Variants in COL23A1 observed in about 807,000 individuals in gnomAD.
COL23A1 encodes collagen alpha-1(XXIII) chain.
A neutral mutation model predicts 99.3 loss-of-function variants in COL23A1; 97 were observed. That is an observed-to-expected ratio of 0.98 (90% CI 0.83 to 1.16). COL23A1 has a LOEUF of 1.16. COL23A1 is among the 50% of genes most tolerant of loss of function. The pLI is 0.00. For synonymous variants in COL23A1, 320 were observed against 308.2 expected (o/e 1.04, Z -0.40); for missense variants, 762 against 757.4 (o/e 1.01, Z -0.07).
chr5:178,359,169 C>T (rs1238426190), intron 2 of COL23A1, among the ~76,000 whole-genome samples: 5 of 152,190 alleles, frequency 3.3e-5, no homozygotes, highest in African/African-American at 1.2e-4. Context: ...AGTCATTTAA[C>T]CTCTCTCAGC....
chr5:178,252,512 T>C (rs1436189606), intron 17 of COL23A1, 32 bp downstream of exon 17: 14 of 1,599,792 alleles, frequency 8.8e-6, no homozygotes, highest in South Asian at 3.4e-5. Context: ...AGACAAATGC[T>C]TGGGGGACCA....
At chr5:178,445,335 G>GT (rs1282155523) in intron 2 of COL23A1, among the ~76,000 whole-genome samples, 3 of 151,864 alleles carry the variant, frequency 2.0e-5, no homozygotes, top group Admixed American at 2.0e-4. Context: ...TCCTATACTG[G>GT]TAACATCTGT....
chr5:178,587,380 G>A (rs1436232341), intron 1 of COL23A1, among the ~76,000 whole-genome samples: 2 of 152,176 alleles, frequency 1.3e-5, no homozygotes, highest in Non-Finnish European at 2.9e-5. Context: ...GCCGGTCCCA[G>A]AAAAAGTTAT....
intron 25 of COL23A1, among the ~76,000 whole-genome samples, chr5:178,245,112 G>C (rs1764605288): frequency 7.9e-6 from 1 of 125,992 alleles, no homozygotes; most frequent in Non-Finnish European, 1.6e-5. Context: ...TCCCTCCACT[G>C]CCATCATCAT....
In COL23A1 at chr5:178,306,896, G is replaced by A; in HGVS notation, c.385C>T (p.Pro129Ser). 2 of 1,548,874 alleles carry A rather than the reference G, an allele frequency of 1.3e-6. No homozygotes were observed. Among genetic ancestry groups the A allele is most frequent in the South Asian group, 1.2e-5 (1 of 82,790 alleles). ...TCACCAGGGTCGCCTCTTCTCCCAG[G>A]CTTGCCGCGCCGTCCAGGGGGCCCT... Reference protein sequence around the residue: ...PPGPPGRRGKPGRRGDPGPPG... With the variant: ...PPGPPGRRGKSGRRGDPGPPG... Residue 129 changes from proline (P) to serine (S), a missense_variant, in exon 3 of 29, where the codon CCT (proline) becomes TCT (serine). Transcript: ENST00000390654. This position sits in a 1 kb window ranked among gnomAD's most constrained non-coding sequence, Gnocchi z 4.1.
chr5:178,580,395 C>T (rs773937742), intron 1 of COL23A1, among the ~76,000 whole-genome samples: 11 of 149,722 alleles, frequency 7.3e-5, no homozygotes, highest in Non-Finnish European at 1.2e-4. Context: ...ACACATGGGA[C>T]GCACACAGTT....
At chr5:178,416,213 T>C (rs1352419336) in intron 2 of COL23A1, among the ~76,000 whole-genome samples, 2 of 152,160 alleles carry the variant, frequency 1.3e-5, no homozygotes, top group Non-Finnish European at 2.9e-5. Flanking sequence ...GCTTACATAA[T>C]GTGTAAAACA....
chr5:178,507,890 A>G (rs1758968088), intron 2 of COL23A1, among the ~76,000 whole-genome samples: 1 of 152,188 alleles, frequency 6.6e-6, no homozygotes, highest in Non-Finnish European at 1.5e-5. Flanking sequence ...CATTTCAACT[A>G]TTATTTCTTC....
intron 2 of COL23A1, among the ~76,000 whole-genome samples, chr5:178,486,621 G>A (rs954128974): frequency 6.6e-6 from 1 of 152,170 alleles, no homozygotes; most frequent in Admixed American, 6.5e-5. Context: ...TGAAAGCAGA[G>A]GTGACTCTTG....
intron 2 of COL23A1, among the ~76,000 whole-genome samples, chr5:178,539,691 C>A (rs1166260231): frequency 6.6e-6 from 1 of 151,990 alleles, no homozygotes; most frequent in African/African-American, 2.4e-5. Flanking sequence ...GTGAATTCTT[C>A]CAAACACTTC....
At chr5:178,290,225 C>T in intron 4 of COL23A1, 137 bp downstream of exon 4, 2 of 1,250,000 alleles carry the variant, frequency 1.6e-6, no homozygotes, top group Non-Finnish European at 2.3e-6. Flanking sequence ...AGCCACCGCA[C>T]CTGGCCACTT....
chr5:178,482,990 T>A (rs1757422889), intron 2 of COL23A1, among the ~76,000 whole-genome samples: 1 of 152,118 alleles, frequency 6.6e-6, no homozygotes, highest in Non-Finnish European at 1.5e-5. Flanking sequence ...GAGGATTGCT[T>A]GAGCCCAAGA....
intron 2 of COL23A1, among the ~76,000 whole-genome samples, chr5:178,405,840 T>C (rs1250411034): frequency 6.6e-6 from 1 of 152,228 alleles, no homozygotes; most frequent in Admixed American, 6.5e-5. Flanking sequence ...CAGTGGCTCA[T>C]GCCTGTAATC....
intron 5 of COL23A1, among the ~76,000 whole-genome samples, chr5:178,276,655 A>G (rs1756600735): frequency 1.3e-5 from 2 of 152,182 alleles, no homozygotes; most frequent in African/African-American, 4.8e-5. Context: ...CTGATTTCTC[A>G]GCCTAGGCTC....
intron 2 of COL23A1, among the ~76,000 whole-genome samples, chr5:178,376,928 T>A (rs550067078): frequency 6.6e-6 from 1 of 152,176 alleles, no homozygotes; most frequent in Admixed American, 6.5e-5. Flanking sequence ...GCCACTTTTA[T>A]CTTCCCCCGA....
intron 2 of COL23A1, among the ~76,000 whole-genome samples, chr5:178,529,690 C>T (rs898935589): frequency 2.0e-5 from 3 of 152,132 alleles, no homozygotes; most frequent in East Asian, 3.9e-4. Flanking sequence ...AAGCAGGCAC[C>T]GCTGACTTCA....
At chr5:178,336,861 A>G (rs936885509) in intron 2 of COL23A1, among the ~76,000 whole-genome samples, 1 of 152,262 alleles carries the variant, frequency 6.6e-6, no homozygotes, top group Non-Finnish European at 1.5e-5. Context: ...TGGCTCTCCT[A>G]AGAGGGTAGA....
rs148341097 is a variant in COL23A1, at chr5:178,425,088, C to T, written c.362-118169G>A. Among the ~76,000 whole-genome samples, 157 of 152,236 alleles carry T rather than the reference C, an allele frequency of 1.0e-3. 3 individuals carry two copies. The East Asian group carries it at 0.024, about 23-fold the overall frequency. On this transcript the variant is annotated intron_variant, in intron 2 of 28. Transcript: ENST00000390654. The stretch of plus-strand genomic sequence containing the variant: ...ATGGAGACAACGCATGCCTGGCCAG[C>T]GGAGAAAAACGCAAAGCAGCCTGTA...
rs540578404 is a variant in COL23A1 at position 178,389,429 on chromosome 5, C to T, written c.362-82510G>A. 3.0e-4 allele frequency among the ~76,000 whole-genome samples: 45 copies of T among 152,308 alleles called. No individual in the cohort carries two copies. The Middle Eastern group carries it at 0.01, about 35-fold the overall frequency. On this transcript the variant is annotated intron_variant, in intron 2 of 28. Transcript: ENST00000390654. ...AAGTGATGCTTCAGTTTGCATTTCA[C>T]GACTAAGCTGCACAAAAGCTTCAGA...
Sources: allele counts gnomAD v4.1 joint callset (sites outside exome capture counted in the v4.1 genomes callset), GRCh38; gene constraint gnomAD v4.1.1; non-coding constraint Gnocchi (gnomAD v3.1); transcripts MANE v1.5; gene names NCBI Gene and HGNC (gene_info 2026-07-23, HGNC 2026-07-21).